SKAP1: variants seen among roughly 807,000 people sequenced by gnomAD.
SKAP1 encodes src kinase associated phosphoprotein 1, also known as src kinase-associated phosphoprotein 1.
In SKAP1, 44 loss-of-function variants were observed where a neutral mutation model predicts 58.5. The ratio of observed to expected loss-of-function variants is 0.75; its 90% CI spans 0.59 to 0.97. The LOEUF is 0.97. SKAP1 is among the 50% of genes least tolerant of loss of function. SKAP1 has a pLI of 0.00. For synonymous variants in SKAP1, 127 were observed against 149.7 expected, an observed-to-expected ratio of 0.85 and a Z score of 1.11; for missense variants, 390 against 435.2, an observed-to-expected ratio of 0.90 and a Z score of 0.92.
chr17:48,198,301 A>C (rs1318513859), intron 4 of SKAP1, among the ~76,000 whole-genome samples: 1 of 151,858 alleles, frequency 6.6e-6, no homozygotes, highest in Non-Finnish European at 1.5e-5. Context: ...TAAAAATACA[A>C]AAAATTAGCC....
At chr17:48,274,948 C>T (rs1334668277) in intron 4 of SKAP1, among the ~76,000 whole-genome samples, 1 of 152,124 alleles carries the variant, frequency 6.6e-6, no homozygotes, top group East Asian at 1.9e-4. Context: ...GCTACAACTG[C>T]CATCACCTCC....
At chr17:48,274,418 C>T (rs1372657057) in intron 4 of SKAP1, among the ~76,000 whole-genome samples, 2 of 151,410 alleles carry the variant, frequency 1.3e-5, no homozygotes, top group African/African-American at 2.4e-5. Flanking sequence ...TTTTTTTGGC[C>T]GGGCATGGTG....
intron 3 of SKAP1, among the ~76,000 whole-genome samples, chr17:48,348,304 T>C (rs1344749186): frequency 7.0e-6 from 1 of 143,622 alleles, no homozygotes; most frequent in African/African-American, 2.6e-5. Context: ...ACTGTGCCAC[T>C]GCACTCCAAC....
chr17:48,286,951 C>A (rs370349819), intron 4 of SKAP1, among the ~76,000 whole-genome samples: 1 of 152,010 alleles, frequency 6.6e-6, no homozygotes, highest in Non-Finnish European at 1.5e-5. Flanking sequence ...CAAAAATTGG[C>A]GGGGCTTGCT....
chr17:48,303,645 CT>C (rs1218813078), intron 4 of SKAP1, among the ~76,000 whole-genome samples: 1 of 152,118 alleles, frequency 6.6e-6, no homozygotes, highest in Non-Finnish European at 1.5e-5. Flanking sequence ...TGTCAGAAAA[CT>C]ATATATGTGC....
At chr17:48,187,727 A>T (rs1295749703) in intron 6 of SKAP1, 116 bp downstream of exon 6, 1 of 655,030 alleles carries the variant, frequency 1.5e-6, no homozygotes, top group Admixed American at 2.8e-5. Context: ...TTTCCTAAGC[A>T]TGTCCCTTTA....
At chr17:48,148,817 T>TA (rs891075173) in intron 11 of SKAP1, among the ~76,000 whole-genome samples, 20 of 151,314 alleles carry the variant, frequency 1.3e-4, no homozygotes, top group Admixed American at 6.6e-4. Context: ...CTGCTTCCTT[T>TA]AAAAAAAAAG....
chr17:48,260,274 A>G (rs965021568), intron 4 of SKAP1, among the ~76,000 whole-genome samples: 11 of 152,294 alleles, frequency 7.2e-5, no homozygotes, highest in African/African-American at 2.6e-4. Flanking sequence ...AGAAGCCATT[A>G]AGAAATCTCC....
chr17:48,390,220 G>A (rs541774195), intron 2 of SKAP1, among the ~76,000 whole-genome samples: 2 of 152,140 alleles, frequency 1.3e-5, no homozygotes, highest in Non-Finnish European at 2.9e-5. Context: ...TCATCAGTAA[G>A]GTCCCAAGCC....
rs534415676 is a variant in SKAP1 at position 48,266,270 on chromosome 17, C to T, written c.281-76770G>A. Among the ~76,000 whole-genome samples the T allele has an allele frequency of 3.3e-5, 5 of 152,210 alleles. No homozygotes were observed. In the East Asian group the frequency reaches 7.7e-4, roughly 23 times the overall value. ...ATTGTTAGGCTGGTGCAAACATCATCCTGCATATTTCTAGTTCAAAGGTAG... is the reference window on the plus strand; with the variant it reads ...ATTGTTAGGCTGGTGCAAACATCATTCTGCATATTTCTAGTTCAAAGGTAG... On this transcript the variant is annotated intron_variant, in intron 4 of 12. Transcript: ENST00000336915.
intron 4 of SKAP1, among the ~76,000 whole-genome samples, chr17:48,279,243 C>T (rs541804020): frequency 2.0e-4 from 30 of 152,218 alleles, no homozygotes; most frequent in African/African-American, 7.2e-4. Flanking sequence ...AAGAGAAGAT[C>T]CTCAGGGCGC....
chr17:48,260,348 A>G (rs1317566466), intron 4 of SKAP1, among the ~76,000 whole-genome samples: 1 of 152,188 alleles, frequency 6.6e-6, no homozygotes, highest in Non-Finnish European at 1.5e-5. Flanking sequence ...TTAATGAAGA[A>G]TATCAATTGA....
At chr17:48,153,254 C>G (rs970515887) in intron 11 of SKAP1, among the ~76,000 whole-genome samples, 18 of 152,174 alleles carry the variant, frequency 1.2e-4, no homozygotes, top group African/African-American at 4.1e-4. Context: ...GGTTTACATG[C>G]ATGCATATGC....
intron 2 of SKAP1, among the ~76,000 whole-genome samples, chr17:48,375,331 A>G (rs910879366): frequency 6.6e-6 from 1 of 152,098 alleles, no homozygotes; most frequent in African/African-American, 2.4e-5. Context: ...CTCCCCCACC[A>G]CAATTTTTAA....
chr17:48,282,268 T>C (rs2065776674), intron 4 of SKAP1, among the ~76,000 whole-genome samples: 1 of 152,208 alleles, frequency 6.6e-6, no homozygotes, highest in African/African-American at 2.4e-5. Context: ...TCAACAATTA[T>C]CAACTCATGG....
At chr17:48,409,320 T>C (rs2067631529) in intron 1 of SKAP1, among the ~76,000 whole-genome samples, 1 of 152,158 alleles carries the variant, frequency 6.6e-6, no homozygotes, top group South Asian at 2.1e-4. Context: ...AATAGGTGAA[T>C]AGATAAACAA....
intron 11 of SKAP1, among the ~76,000 whole-genome samples, chr17:48,137,815 G>T (rs1397025770): frequency 6.6e-6 from 1 of 152,192 alleles, no homozygotes; most frequent in Non-Finnish European, 1.5e-5. Flanking sequence ...AGAGTAATGG[G>T]CTTTGGAGTC....
In SKAP1 at chr17:48,192,479, C is replaced by T. The variant is rs542904341; in HGVS notation, c.281-2979G>A. Among the ~76,000 whole-genome samples the T allele has an allele frequency of 5.4e-4, 82 of 152,214 alleles. 1 individual carries two copies. The highest frequency in any genetic ancestry group is 1.4e-3 in the African/African-American group (58 of 41,524). ...TTATGAAAATGGGAAGACATTGCCT[C>T]GTGTGCAGGGAGAGTCTGTGAGTAT... On this transcript the variant is annotated intron_variant, in intron 4 of 12. Coordinates refer to ENST00000336915, the MANE Select transcript of SKAP1 (RefSeq NM_003726.4).
intron 9 of SKAP1, among the ~76,000 whole-genome samples, 165 bp from the exon 10 acceptor site, chr17:48,170,824 C>A (rs777687169): frequency 6.6e-6 from 1 of 152,020 alleles, no homozygotes; most frequent in South Asian, 2.1e-4. Context: ...GATTCTCCTG[C>A]CTCAGCCCCC....
Sources: allele counts gnomAD v4.1 joint callset (sites outside exome capture counted in the v4.1 genomes callset), GRCh38; gene constraint gnomAD v4.1.1; transcripts MANE v1.5; gene names NCBI Gene and HGNC (gene_info 2026-07-23, HGNC 2026-07-21).